The following PRKG2 variants were observed in gnomAD, a reference collection of about 807,000 sequenced individuals.
PRKG2 encodes the protein cGMP-dependent protein kinase 2.
In PRKG2, 33 loss-of-function variants were observed where a neutral mutation model predicts 97.2. That is an observed-to-expected ratio of 0.34 (90% CI 0.26 to 0.45). PRKG2 has a LOEUF of 0.45. PRKG2 is among the 20% of genes least tolerant of loss of function. The probability of loss-of-function intolerance (pLI) is 1.00; values close to 1 mark genes in which losing one functional copy is unlikely to be tolerated. For synonymous variants in PRKG2, 330 were observed against 321.8 expected (o/e 1.03, Z -0.27); for missense variants, 638 against 900.0 (o/e 0.71, Z 3.73).
chr4:81,217,064 TATA>T (rs532573653), upstream of PRKG2, among the ~76,000 whole-genome samples: 402 of 146,644 alleles, frequency 2.7e-3, 4 homozygotes, highest in Middle Eastern at 0.011. Flanking sequence ...TGTGTATATA[TATA>T]ATATAAAACC....
chr4:81,130,935 T>C (rs981847014), intron 14 of PRKG2, among the ~76,000 whole-genome samples: 1 of 152,148 alleles, frequency 6.6e-6, no homozygotes, highest in African/African-American at 2.4e-5. Context: ...GGGGGTGGGA[T>C]CCACTGAGCT....
Position 81,137,603 on chromosome 4 carries a change from C to G in PRKG2, c.1545-121G>C, listed in dbSNP as rs536674449. The G allele has an allele frequency of 1.7e-4, 123 of 737,882 alleles. 1 individual carries two copies. Among genetic ancestry groups the G allele is most frequent in the Non-Finnish European group, 2.6e-4 (113 of 432,938 alleles). 45.7% of individuals were successfully genotyped at this position (737,882 alleles called of 1,614,324 possible). ...TGATACTCATCTCCATATAAATACCCCACAACTACACTGGGCTTCTCGCCA... is the reference window on the plus strand; with the variant it reads ...TGATACTCATCTCCATATAAATACCGCACAACTACACTGGGCTTCTCGCCA... On this transcript the variant is annotated intron_variant, in intron 12 of 18. Coordinates refer to ENST00000264399, the MANE Select transcript of PRKG2 (RefSeq NM_006259.3).
chr4:81,185,123 G>A (rs566203886), intron 2 of PRKG2, among the ~76,000 whole-genome samples: 1 of 152,228 alleles, frequency 6.6e-6, no homozygotes, highest in African/African-American at 2.4e-5. Context: ...AGGAAATATA[G>A]AGAACACCAC....
Position 81,215,187 on chromosome 4 carries a change from G to C in PRKG2, c.-265C>G, listed in dbSNP as rs1251349063. ...TGCGGGCAGGAGCTGCGGCGGCGTCGGTGCTGCCGCCTGGCTCCGCGGCGG... is the reference window on the plus strand; with the variant it reads ...TGCGGGCAGGAGCTGCGGCGGCGTCCGTGCTGCCGCCTGGCTCCGCGGCGG... On this transcript the variant is annotated 5_prime_UTR_variant, in exon 1 of 19. Transcript: ENST00000264399. The C allele has an allele frequency of 2.0e-5, 3 of 152,320 alleles. No homozygotes were observed. Among genetic ancestry groups the C allele is most frequent in the Non-Finnish European group, 4.4e-5 (3 of 68,158 alleles). 9.4% of individuals were successfully genotyped at this position (152,320 alleles called of 1,614,324 possible).
chr4:81,108,269 T>G (rs1743552383), intron 15 of PRKG2, among the ~76,000 whole-genome samples: 1 of 152,066 alleles, frequency 6.6e-6, no homozygotes, highest in South Asian at 2.1e-4. Context: ...TTTTTGAAAA[T>G]TAAAGATGAC....
intron 6 of PRKG2, among the ~76,000 whole-genome samples, chr4:81,163,005 G>A (rs777792655): frequency 6.6e-6 from 1 of 152,022 alleles, no homozygotes; most frequent in Non-Finnish European, 1.5e-5. Flanking sequence ...CCTAACAACC[G>A]AATAACTTCA....
At chr4:81,106,050 CTCTG>C in intron 15 of PRKG2, 115 bp from the exon 16 acceptor site, 1 of 1,250,490 alleles carries the variant, frequency 8.0e-7, no homozygotes, top group Non-Finnish European at 1.1e-6. Context: ...TTCTTCCTCT[CTCTG>C]TCTCAGTTGT....
rs553514696 is a variant in PRKG2, at chr4:81,091,356, C to T, written c.2193+1030G>A. Among the ~76,000 whole-genome samples the T allele has an allele frequency of 5.6e-4, 85 of 152,176 alleles. No individual in the cohort carries two copies. In the South Asian group the frequency reaches 7.7e-3, roughly 14 times the overall value. ...GGAGTGCAGTGGCGTGATCTCGGCT[C>T]ACTGCAAGCTCCACCTCCTGAGTTC... On this transcript the variant is annotated intron_variant, in intron 18 of 18. Coordinates refer to ENST00000264399, the MANE Select transcript of PRKG2 (RefSeq NM_006259.3).
chr4:81,123,393 G>T (rs980347368), intron 14 of PRKG2, among the ~76,000 whole-genome samples: 5 of 152,054 alleles, frequency 3.3e-5, no homozygotes, highest in Non-Finnish European at 7.4e-5. Flanking sequence ...CATCACATAG[G>T]TGATTTTTGT....
chr4:81,181,446 C>A (rs527445856), intron 2 of PRKG2, among the ~76,000 whole-genome samples: 2 of 149,880 alleles, frequency 1.3e-5, no homozygotes. Context: ...TATAAATGAG[C>A]GTCCTAAGCG....
chr4:81,135,710 T>C (rs943905823), intron 13 of PRKG2, among the ~76,000 whole-genome samples: 2 of 152,192 alleles, frequency 1.3e-5, no homozygotes, highest in Non-Finnish European at 2.9e-5. Context: ...TCATTTCCTG[T>C]TTGCATAGCA....
intron 2 of PRKG2, among the ~76,000 whole-genome samples, chr4:81,191,419 A>G (rs1233759036): frequency 6.6e-6 from 1 of 151,820 alleles, no homozygotes; most frequent in Non-Finnish European, 1.5e-5. Context: ...AACATCATAC[A>G]CTGGGGCCTG....
intron 3 of PRKG2, 24 bp downstream of exon 3, chr4:81,174,769 T>G: frequency 6.3e-7 from 1 of 1,581,582 alleles, no homozygotes; most frequent in Non-Finnish European, 8.6e-7. Flanking sequence ...TTATTATATA[T>G]CTGGAAAAAT....
chr4:81,174,421 G>C (rs960048925), intron 3 of PRKG2, among the ~76,000 whole-genome samples: 1 of 151,956 alleles, frequency 6.6e-6, no homozygotes, highest in Admixed American at 6.6e-5. Flanking sequence ...AAGTCAAATT[G>C]CCTAAGTGTG....
chr4:81,161,397 A>C (rs1188115020), intron 6 of PRKG2, among the ~76,000 whole-genome samples: 1 of 152,142 alleles, frequency 6.6e-6, no homozygotes, highest in Admixed American at 6.6e-5. Flanking sequence ...ACAACCAAAA[A>C]CTTGGTGGCT....
At chr4:81,146,254 C>G (rs2110048068) in intron 9 of PRKG2, among the ~76,000 whole-genome samples, 1 of 152,240 alleles carries the variant, frequency 6.6e-6, no homozygotes, top group Middle Eastern at 3.4e-3. Context: ...TGCTATAGGT[C>G]TCTAGAAATT....
At chr4:81,198,454 C>T (rs1228664395) in intron 2 of PRKG2, among the ~76,000 whole-genome samples, 2 of 152,142 alleles carry the variant, frequency 1.3e-5, no homozygotes, top group Admixed American at 6.6e-5. Flanking sequence ...ATGCTTTTTA[C>T]CTCTTCCTTT....
At chr4:81,102,324 A>T (rs957618916) in intron 17 of PRKG2, among the ~76,000 whole-genome samples, 3 of 152,202 alleles carry the variant, frequency 2.0e-5, no homozygotes, top group Non-Finnish European at 4.4e-5. Context: ...GTTAACAGAT[A>T]TATCACTTCT....
rs1343179456 is a variant in PRKG2 at position 81,144,606 on chromosome 4, A to AT, written c.1155-277dup. Among the ~76,000 whole-genome samples, 785 of 132,170 alleles carry AT rather than the reference A, an allele frequency of 5.9e-3. 4 individuals carry two copies. Among genetic ancestry groups the AT allele is most frequent in the East Asian group, 8.7e-3 (37 of 4,270 alleles). 86.7% of individuals were successfully genotyped at this position (132,170 alleles called of 152,430 possible). A position where few individuals can be genotyped will look rare whatever the true frequency, so the allele number is the denominator to read the frequency against. The stretch of plus-strand genomic sequence containing the variant: ...CTTGTATTTAAGGTTATATATATAT[A>AT]TATATTTTTTTTTTATTATACTTTA... On this transcript the variant is annotated intron_variant, in intron 9 of 18. Coordinates refer to ENST00000264399, the MANE Select transcript of PRKG2 (RefSeq NM_006259.3).
Sources: allele counts gnomAD v4.1 joint callset (sites outside exome capture counted in the v4.1 genomes callset), GRCh38; gene constraint gnomAD v4.1.1; transcripts MANE v1.5; gene names NCBI Gene and HGNC (gene_info 2026-07-23, HGNC 2026-07-21).